Variants in ABCA5 observed in about 807,000 individuals in gnomAD.
ABCA5 encodes cholesterol transporter ABCA5.
A neutral mutation model predicts 206.0 loss-of-function variants in ABCA5; 163 were observed. The ratio of observed to expected loss-of-function variants is 0.79; its 90% CI spans 0.70 to 0.90. The LOEUF (loss-of-function observed/expected upper bound fraction) is 0.90. Ranked by LOEUF, ABCA5 falls within the 40% of genes least tolerant of loss-of-function variation. The pLI, the probability that ABCA5 is intolerant of heterozygous loss-of-function variation, is 0.00. For synonymous variants in ABCA5, 609 were observed against 613.8 expected (o/e 0.99, Z 0.11); for missense variants, 1,859 against 1,912.9 (o/e 0.97, Z 0.53).
In ABCA5 at chr17:69,261,731, A is replaced by G. The variant is rs777330579; in HGVS notation, c.3333T>C (p.Gly1111=). The G allele has an allele frequency of 6.8e-7, 1 of 1,468,724 alleles. No homozygotes were observed. The allele number at this position is 1,468,724 out of a possible 1,614,324, so 91.0% of individuals were successfully genotyped here. A position where few individuals can be genotyped will look rare whatever the true frequency, so the allele number is the denominator to read the frequency against. The change falls in exon 25 of 39, where the codon GGT becomes GGC. Residue 1111 remains glycine, a synonymous_variant. Coordinates refer to ENST00000392676, the MANE Select transcript of ABCA5 (RefSeq NM_172232.4). ...TGAACAGAATAACTGATGGAACATA[A>G]CCAATAAGGCAAAAAACCTGTAAAT... The part of the protein sequence containing the change: ...KFLAVVFCLI[G]YVPSVILFTY...
chr17:69,285,682 A>C (rs554325886), intron 17 of ABCA5, among the ~76,000 whole-genome samples: 2 of 152,126 alleles, frequency 1.3e-5, no homozygotes, highest in East Asian at 1.9e-4. Flanking sequence ...TTAATATATT[A>C]GTTACAGTTT....
chr17:69,323,004 T>TA (rs979231160), intron 1 of ABCA5, among the ~76,000 whole-genome samples: 13 of 152,296 alleles, frequency 8.5e-5, no homozygotes, highest in African/African-American at 2.9e-4. Context: ...AAATGACTGT[T>TA]AGAGGTTACT....
chr17:69,316,228 T>TA (rs1391616776), intron 1 of ABCA5, among the ~76,000 whole-genome samples: 1 of 152,232 alleles, frequency 6.6e-6, no homozygotes, highest in African/African-American at 2.4e-5. Flanking sequence ...CACACTGGCT[T>TA]ACGCCCATAA....
chr17:69,282,669 T>C (rs1281278969), intron 18 of ABCA5, among the ~76,000 whole-genome samples: 4 of 149,838 alleles, frequency 2.7e-5, no homozygotes, highest in African/African-American at 4.9e-5. Flanking sequence ...TTTGGGAGGC[T>C]GAGGCAGCAG....
At chr17:69,322,726 G>A (rs1369823664) in intron 1 of ABCA5, among the ~76,000 whole-genome samples, 1 of 151,900 alleles carries the variant, frequency 6.6e-6, no homozygotes, top group Non-Finnish European at 1.5e-5. Context: ...AGCAGAGGAG[G>A]TACTAAATAC....
At chr17:69,304,546 T>C in intron 7 of ABCA5, 123 bp downstream of exon 7, 1 of 769,572 alleles carries the variant, frequency 1.3e-6, no homozygotes, top group East Asian at 3.1e-5. Flanking sequence ...TTAAGTCACT[T>C]ATCAATTAGT....
chr17:69,303,272 C>T, intron 7 of ABCA5, among the ~76,000 whole-genome samples: 1 of 152,154 alleles, frequency 6.6e-6, no homozygotes, highest in East Asian at 1.9e-4. Context: ...CGTGGGGCAC[C>T]ACGTCCAGCA....
At chr17:69,281,050 AT>A (rs781442858) in intron 18 of ABCA5, among the ~76,000 whole-genome samples, 5,577 of 144,444 alleles carry the variant, frequency 0.039, 147 homozygotes, top group Non-Finnish European at 0.06. Flanking sequence ...AAAAATAAAA[AT>A]AAATAAATAA....
In ABCA5 at chr17:69,246,505, C is replaced by T. The variant is rs1449056695; in HGVS notation, c.*1032G>A. The T allele has an allele frequency of 6.6e-6, 1 of 151,920 alleles. No individual in the cohort carries two copies. The highest frequency in any genetic ancestry group is 1.5e-5 in the Non-Finnish European group (1 of 67,816). 9.4% of individuals were successfully genotyped at this position (151,920 alleles called of 1,614,324 possible). A position where few individuals can be genotyped will look rare whatever the true frequency, so the allele number is the denominator to read the frequency against. On this transcript the variant is annotated 3_prime_UTR_variant, in exon 39 of 39. Coordinates refer to ENST00000392676, the MANE Select transcript of ABCA5 (RefSeq NM_172232.4). ...AAAAGAAATAGGCGCACTGCACTTACAATTCTTAATTTAACCCTTGAAAGA... is the reference window on the plus strand; with the variant it reads ...AAAAGAAATAGGCGCACTGCACTTATAATTCTTAATTTAACCCTTGAAAGA...
chr17:69,274,122 A>G lies in ABCA5; in HGVS notation c.2601T>C (p.Leu867=). 6.4e-7 allele frequency: 1 copy of G among 1,570,876 alleles called. No homozygotes were observed. Among genetic ancestry groups the G allele is most frequent in the Non-Finnish European group, 8.6e-7 (1 of 1,167,390 alleles). ...GAACTGTGAAAAAAATTAAAAGCAG[A>G]AGCAACCTGAAAAGAAAAAAAAAAC... ...RESKSVRSVL[L]LLLIFFTVQI... Residue 867 remains leucine (L), a synonymous_variant, in exon 20 of 39, where the codon CTT becomes CTC. Transcript: ENST00000392676.
At position 69,313,263 on chromosome 17, in the gene ABCA5, A is replaced by G. The variant is rs1476528367; in HGVS notation, c.136T>C (p.Leu46=). The G allele has an allele frequency of 4.1e-6, 6 of 1,452,846 alleles. No homozygotes were observed. Among genetic ancestry groups the G allele is most frequent in the Admixed American group, 1.9e-5 (1 of 53,730 alleles). 90.0% of individuals were successfully genotyped at this position (1,452,846 alleles called of 1,614,324 possible). A position where few individuals can be genotyped will look rare whatever the true frequency, so the allele number is the denominator to read the frequency against. ...GGATGCATCATGCTAATTAATATTAACCAAAATAAAAAAAATAGTGGAAAA... is the reference window on the plus strand; with the variant it reads ...GGATGCATCATGCTAATTAATATTAGCCAAAATAAAAAAAATAGTGGAAAA... ...ILFPLFFLFW[L]ILISMMHPNK... is the part of the protein sequence containing the mutation. Residue 46 remains leucine (L), a synonymous_variant, in exon 3 of 39, where the codon TTA becomes CTA. Transcript: ENST00000392676.
rs1295015987 is a variant in ABCA5 at position 69,277,632 on chromosome 17, T to C, written c.2594+9A>G. The C allele has an allele frequency of 6.3e-7, 1 of 1,598,890 alleles. No homozygotes were observed. Among genetic ancestry groups the C allele is most frequent in the Non-Finnish European group, 8.5e-7 (1 of 1,174,334 alleles). On this transcript the variant is annotated intron_variant, in intron 19 of 38. Coordinates refer to ENST00000392676, the MANE Select transcript of ABCA5 (RefSeq NM_172232.4). Reference sequence around the variant, plus strand: ...ATCCATCAGGTATAAGGGTGATAATTATACTTACACTGATCTCACTGATTT... The same window carrying C: ...ATCCATCAGGTATAAGGGTGATAATCATACTTACACTGATCTCACTGATTT...
At position 69,291,335 on chromosome 17, in the gene ABCA5, G is replaced by A; in HGVS notation, c.1496-9C>T. On this transcript the variant is annotated splice_polypyrimidine_tract_variant and intron_variant, in intron 11 of 38. Coordinates refer to ENST00000392676, the MANE Select transcript of ABCA5 (RefSeq NM_172232.4). The stretch of plus-strand genomic sequence containing the variant: ...TATGTCAAATGACAAATCTAGTTCA[G>A]GAAAAAAGAAGACTCAAATGTAATT... 1 of 1,542,416 alleles carries A rather than the reference G, an allele frequency of 6.5e-7. No homozygotes were observed. The highest frequency in any genetic ancestry group is 8.9e-7 in the Non-Finnish European group (1 of 1,123,424).
In ABCA5 at chr17:69,310,896, C is replaced by T. The variant is rs897041838; in HGVS notation, c.308-1473G>A. The stretch of plus-strand genomic sequence containing the variant: ...ACAAGTGAAGTAACAAACATCAAAA[C>T]GCTTTGTAGGCTGGATGTGGTGCCT... On this transcript the variant is annotated intron_variant, in intron 3 of 38. Coordinates refer to ENST00000392676, the MANE Select transcript of ABCA5 (RefSeq NM_172232.4). 3.9e-5 allele frequency among the ~76,000 whole-genome samples: 6 copies of T among 152,164 alleles called. No individual in the cohort carries two copies. The East Asian group carries it at 5.8e-4, about 15-fold the overall frequency.
rs1396079815 is a variant in ABCA5, at chr17:69,258,952, T to C, written c.3731+754A>G. Among the ~76,000 whole-genome samples the C allele has an allele frequency of 2.6e-5, 4 of 151,852 alleles. No individual in the cohort carries two copies. In the East Asian group the frequency reaches 7.7e-4, roughly 29 times the overall value. ...AAGAATATGTAAAAAAGACAAACAA[T>C]AACAAGCATTGGCAAGGATGTGGAG... On this transcript the variant is annotated intron_variant, in intron 28 of 38. Transcript: ENST00000392676.
At chr17:69,302,443 C>T (rs1408452108) in intron 8 of ABCA5, among the ~76,000 whole-genome samples, 1 of 152,104 alleles carries the variant, frequency 6.6e-6, no homozygotes, top group Non-Finnish European at 1.5e-5. Flanking sequence ...AAACACATTA[C>T]TATCAAACTG....
At chr17:69,291,378 A>G (rs2075524727) in intron 11 of ABCA5, 52 bp from the exon 12 acceptor site, 1 of 1,101,540 alleles carries the variant, frequency 9.1e-7, no homozygotes, top group Non-Finnish European at 1.4e-6. Flanking sequence ...CTGTTCAGCT[A>G]TGCATGATAA....
intron 1 of ABCA5, among the ~76,000 whole-genome samples, chr17:69,319,466 G>C (rs2075845555): frequency 6.6e-6 from 1 of 151,988 alleles, no homozygotes; most frequent in Admixed American, 6.6e-5. Context: ...TCTCATCACA[G>C]CTTTTTAAAG....
intron 3 of ABCA5, 48 bp from the exon 4 acceptor site, chr17:69,309,471 C>T (rs2075749893): frequency 8.0e-7 from 1 of 1,249,348 alleles, no homozygotes; most frequent in Non-Finnish European, 1.1e-6. Flanking sequence ...TAAAATACCA[C>T]AATACAGTAG....
Sources: allele counts gnomAD v4.1 joint callset (sites outside exome capture counted in the v4.1 genomes callset), GRCh38; gene constraint gnomAD v4.1.1; transcripts MANE v1.5; gene names NCBI Gene and HGNC (gene_info 2026-07-23, HGNC 2026-07-21).